The following SHTN1 variants were observed in gnomAD, a reference collection of about 807,000 sequenced individuals.
The protein encoded by SHTN1 is shootin 1.
In SHTN1, 42 loss-of-function variants were observed where a neutral mutation model predicts 83.1. The observed-to-expected ratio is 0.51, with a 90% CI of 0.39 to 0.65. The LOEUF is 0.65. SHTN1 is among the 30% of genes least tolerant of loss of function. SHTN1 has a pLI of 0.00. For synonymous variants in SHTN1, 224 were observed against 247.7 expected, an observed-to-expected ratio of 0.90 and a Z score of 0.90; for missense variants, 622 against 737.8, an observed-to-expected ratio of 0.84 and a Z score of 1.82.
At chr10:116,927,593 G>C (rs970463886) in intron 11 of SHTN1, among the ~76,000 whole-genome samples, 199 bp downstream of exon 11, 1 of 152,160 alleles carries the variant, frequency 6.6e-6, no homozygotes, top group East Asian at 1.9e-4. Flanking sequence ...TACCTCCCAC[G>C]ATACGTGAGA....
chr10:116,894,096 T>C (rs9421254), intron 16 of SHTN1, among the ~76,000 whole-genome samples: 2,781 of 152,280 alleles, frequency 0.018, 74 homozygotes, highest in African/African-American at 0.065. Flanking sequence ...TTTTTTTTCT[T>C]TCATGGAAAT....
At chr10:116,893,576 G>GCACACA (rs6144113) in intron 16 of SHTN1, among the ~76,000 whole-genome samples, 5 of 123,522 alleles carry the variant, frequency 4.0e-5, no homozygotes, top group African/African-American at 1.3e-4. Flanking sequence ...GCACTCATGT[G>GCACACA]CACACACACA....
intron 1 of SHTN1, among the ~76,000 whole-genome samples, chr10:117,058,274 T>A (rs952505320): frequency 1.3e-5 from 2 of 152,092 alleles, no homozygotes; most frequent in Admixed American, 6.6e-5. Flanking sequence ...GCAAATCACA[T>A]AACTGGTAAG....
At chr10:116,986,392 G>T (rs1010594884) in intron 1 of SHTN1, among the ~76,000 whole-genome samples, 4 of 152,136 alleles carry the variant, frequency 2.6e-5, no homozygotes, top group African/African-American at 9.7e-5. Flanking sequence ...ACCGGTACCT[G>T]GTAACTGGTA....
intron 1 of SHTN1, among the ~76,000 whole-genome samples, chr10:117,079,338 C>A (rs1233524827): frequency 1.5e-5 from 2 of 136,434 alleles, no homozygotes; most frequent in Non-Finnish European, 3.1e-5. Context: ...TTTCCAATTT[C>A]ATCCATGTCC....
intron 3 of SHTN1, among the ~76,000 whole-genome samples, chr10:116,964,746 G>A (rs972647635): frequency 1.3e-5 from 2 of 152,196 alleles, no homozygotes; most frequent in Non-Finnish European, 2.9e-5. Flanking sequence ...ACTTTGGGAG[G>A]CCAAGGCAGG....
intron 15 of SHTN1, among the ~76,000 whole-genome samples, chr10:116,902,867 G>A (rs1365673158): frequency 6.6e-6 from 1 of 152,200 alleles, no homozygotes; most frequent in African/African-American, 2.4e-5. Context: ...ACAAATGTCA[G>A]ATCATCTTAA....
At chr10:116,954,562 G>C (rs1284698080) in intron 4 of SHTN1, among the ~76,000 whole-genome samples, 1 of 152,124 alleles carries the variant, frequency 6.6e-6, no homozygotes, top group Non-Finnish European at 1.5e-5. Context: ...GCGTGCTGTG[G>C]TGCTGAGAAC....
chr10:116,898,896 T>C (rs1847619173), intron 16 of SHTN1, among the ~76,000 whole-genome samples: 1 of 152,246 alleles, frequency 6.6e-6, no homozygotes, highest in Admixed American at 6.5e-5. Context: ...TCTTTGACTT[T>C]ATAATTTACC....
intron 1 of SHTN1, among the ~76,000 whole-genome samples, chr10:117,116,176 T>C (rs1163625817): frequency 2.0e-5 from 3 of 150,056 alleles, no homozygotes; most frequent in East Asian, 3.9e-4. Flanking sequence ...TTTAGGTAGA[T>C]TGAGAAAAAA....
chr10:116,932,277 T>C (rs568341019), intron 9 of SHTN1, among the ~76,000 whole-genome samples: 132 of 152,278 alleles, frequency 8.7e-4, no homozygotes, highest in Middle Eastern at 3.4e-3. Context: ...CACAGAAGGT[T>C]AGCAGCAGGC....
chr10:117,069,337 C>T (rs1003787568), intron 1 of SHTN1, among the ~76,000 whole-genome samples: 4 of 151,860 alleles, frequency 2.6e-5, no homozygotes, highest in Admixed American at 6.6e-5. Flanking sequence ...AGCTGAAGAA[C>T]GAGTGGGAAG....
intron 2 of SHTN1, among the ~76,000 whole-genome samples, chr10:116,976,238 T>C (rs1283374022): frequency 1.3e-5 from 2 of 152,136 alleles, no homozygotes; most frequent in East Asian, 3.9e-4. Flanking sequence ...TCTTACACCA[T>C]GCAGCCTCTG....
intron 1 of SHTN1, among the ~76,000 whole-genome samples, chr10:117,099,301 G>A (rs1388696182): frequency 2.0e-5 from 3 of 151,704 alleles, no homozygotes; most frequent in Non-Finnish European, 2.9e-5. Flanking sequence ...GGGTGACGGG[G>A]TGCACTAAAA....
chr10:117,015,250 G>A (rs1852165536), intron 2 of SHTN1, among the ~76,000 whole-genome samples: 1 of 152,170 alleles, frequency 6.6e-6, no homozygotes, highest in Non-Finnish European at 1.5e-5. Context: ...GCCTTTCCCA[G>A]CTGGACTCTG....
At chr10:116,898,165 TA>T (rs1239697581) in intron 16 of SHTN1, among the ~76,000 whole-genome samples, 2 of 151,966 alleles carry the variant, frequency 1.3e-5, no homozygotes, top group Non-Finnish European at 2.9e-5. Context: ...GCGTCTCTAC[TA>T]AAACTACAAA....
intron 1 of SHTN1, among the ~76,000 whole-genome samples, chr10:117,121,279 T>C (rs965631158): frequency 1.3e-5 from 2 of 152,332 alleles, no homozygotes. Context: ...AGATTACGTA[T>C]ACAATTCTAA....
intron 1 of SHTN1, among the ~76,000 whole-genome samples, chr10:117,117,807 A>C (rs1245258346): frequency 6.6e-6 from 1 of 152,230 alleles, no homozygotes; most frequent in African/African-American, 2.4e-5. Flanking sequence ...CAGTCTCTTC[A>C]ATAAACAGTG....
chr10:117,091,973 T>C (rs2133620973), intron 1 of SHTN1, among the ~76,000 whole-genome samples: 1 of 152,350 alleles, frequency 6.6e-6, no homozygotes, highest in East Asian at 1.9e-4. Context: ...GGGCTTTACA[T>C]ACAGTGTCTC....
Sources: gnomAD v4.1 joint callset for allele counts (sites outside exome capture counted in the v4.1 genomes callset) on GRCh38, gnomAD v4.1.1 for gene constraint, MANE v1.5 for transcripts, NCBI Gene and HGNC (gene_info 2026-07-23, HGNC 2026-07-21) for gene names.